The following PLEKHO2 variants were observed in gnomAD, a reference collection of about 807,000 sequenced individuals.
PLEKHO2 encodes pleckstrin homology domain containing O2.
Under a neutral mutation model 32.7 loss-of-function variants are expected in PLEKHO2, and 20 were observed. The ratio of observed to expected loss-of-function variants is 0.61; its 90% CI spans 0.43 to 0.89. The LOEUF (loss-of-function observed/expected upper bound fraction) is 0.89, where lower values mean the gene tolerates loss of function less well. Ranked by LOEUF, PLEKHO2 falls within the 40% of genes least tolerant of loss-of-function variation. PLEKHO2 has a pLI of 0.00. For missense variants in PLEKHO2, 568 were observed against 621.2 expected (o/e 0.91, Z 0.91); for synonymous variants, 247 against 246.3 (o/e 1.00, Z -0.03).
intron 2 of PLEKHO2, among the ~76,000 whole-genome samples, chr15:64,849,647 T>A (rs1047348736): frequency 6.7e-6 from 1 of 149,588 alleles, no homozygotes; most frequent in African/African-American, 2.5e-5. Flanking sequence ...TTCACCCTGT[T>A]GGCCAGGCTG....
intron 2 of PLEKHO2, among the ~76,000 whole-genome samples, chr15:64,853,285 T>TC (rs2084582890): frequency 6.7e-6 from 1 of 148,372 alleles, no homozygotes; most frequent in South Asian, 2.1e-4. Flanking sequence ...TTTTCTTTTT[T>TC]TTTTTTTTTG....
chr15:64,862,814 A>T (rs1232897237), intron 5 of PLEKHO2, among the ~76,000 whole-genome samples: 1 of 151,860 alleles, frequency 6.6e-6, no homozygotes, highest in Non-Finnish European at 1.5e-5. Flanking sequence ...TTTAGGGTAC[A>T]TGTGCACAAT....
At chr15:64,848,877 G>A (rs953145441) in intron 2 of PLEKHO2, 135 bp downstream of exon 2, 14 of 1,020,620 alleles carry the variant, frequency 1.4e-5, no homozygotes, top group Non-Finnish European at 1.8e-5. Flanking sequence ...AACCTTGAGC[G>A]AGTACCTAAT....
intron 2 of PLEKHO2, among the ~76,000 whole-genome samples, chr15:64,851,550 TG>T (rs1355621510): frequency 6.6e-6 from 1 of 152,124 alleles, no homozygotes; most frequent in African/African-American, 2.4e-5. Context: ...AATTGAGAAA[TG>T]CTTATTAGCT....
At chr15:64,844,548 C>T (rs896935269) in intron 1 of PLEKHO2, among the ~76,000 whole-genome samples, 2 of 152,170 alleles carry the variant, frequency 1.3e-5, no homozygotes, top group Non-Finnish European at 2.9e-5. Context: ...TCATGCCTTT[C>T]CCTGGCTTCT....
At position 64,865,568 on chromosome 15, in the gene PLEKHO2, C is replaced by T; in HGVS notation, c.1153C>T (p.His385Tyr). The T allele has an allele frequency of 6.2e-7, 1 of 1,614,208 alleles. No homozygotes were observed. Among genetic ancestry groups the T allele is most frequent in the East Asian group, 2.2e-5 (1 of 44,892 alleles). The change falls in exon 6 of 6, where the codon CAT (histidine) becomes TAT (tyrosine). Residue 385 changes from histidine to tyrosine, a missense_variant. Transcript: ENST00000323544. ...CCCCTGGGACCTGCCACCTCAGTTC[C>T]ATCCCCGCTGCTCCTCCCTTGGGGA... ...LPPWDLPPQF[H>Y]PRCSSLGDLL...
chr15:64,866,431 TGGG>T lies in PLEKHO2; in HGVS notation c.*547_*549del. Reference sequence around the variant, plus strand: ...CCAGGCTCTAGGTTCATCCCTCAGTTGGGGGGAACGTAGGACCCAGCTGGAGCC... The same window carrying T: ...CCAGGCTCTAGGTTCATCCCTCAGTTGGGAACGTAGGACCCAGCTGGAGCC... On this transcript the variant is annotated 3_prime_UTR_variant, in exon 6 of 6. Coordinates refer to ENST00000323544, the MANE Select transcript of PLEKHO2 (RefSeq NM_025201.5). 2.2e-6 allele frequency: 1 copy of T among 455,746 alleles called. No individual in the cohort carries two copies. 28.2% of individuals were successfully genotyped at this position (455,746 alleles called of 1,614,324 possible).
chr15:64,842,871 A>G (rs566421341), intron 1 of PLEKHO2, among the ~76,000 whole-genome samples: 243 of 152,364 alleles, frequency 1.6e-3, no homozygotes, highest in African/African-American at 5.5e-3. Flanking sequence ...GCACGCAGCA[A>G]GCACTTAATA....
At chr15:64,860,087 A>G (rs112846905) in intron 4 of PLEKHO2, 89 bp downstream of exon 4, 1 of 1,129,754 alleles carries the variant, frequency 8.9e-7, no homozygotes, top group Non-Finnish European at 1.3e-6. Context: ...TCCTTACCCC[A>G]GACTACCCCT....
intron 2 of PLEKHO2, among the ~76,000 whole-genome samples, chr15:64,849,127 G>C (rs2084546553): frequency 6.6e-6 from 1 of 151,512 alleles, no homozygotes; most frequent in South Asian, 2.1e-4. Context: ...CTATAGGCAT[G>C]CATGCCACCA....
chr15:64,842,312 A>G (rs1008630895), intron 1 of PLEKHO2, among the ~76,000 whole-genome samples: 6 of 152,008 alleles, frequency 3.9e-5, no homozygotes, highest in Non-Finnish European at 8.8e-5. Context: ...AGCGAGATTG[A>G]TGACTTGCTG....
intron 5 of PLEKHO2, 62 bp downstream of exon 5, chr15:64,861,637 G>C (rs138809881): frequency 2.9e-6 from 4 of 1,384,516 alleles, no homozygotes; most frequent in Non-Finnish European, 3.9e-6. Context: ...GCTCCTCTGG[G>C]CGGCAGCCAG....
At position 64,866,641 on chromosome 15, in the gene PLEKHO2, C is replaced by T. The variant is rs2084690568; in HGVS notation, c.*753C>T. On this transcript the variant is annotated 3_prime_UTR_variant, in exon 6 of 6. Coordinates refer to ENST00000323544, the MANE Select transcript of PLEKHO2 (RefSeq NM_025201.5). ...AGAGTGGAAGAGGAATTTAAGGGGT[C>T]CCCTAGTCTAGTCTCTGCCCCTGGA... 1 of 316,260 alleles carries T rather than the reference C, an allele frequency of 3.2e-6. No homozygotes were observed. Among genetic ancestry groups the T allele is most frequent in the Admixed American group, 4.1e-5 (1 of 24,670 alleles). The allele number at this position is 316,260 out of a possible 1,614,324, so 19.6% of individuals were successfully genotyped here.
intron 3 of PLEKHO2, among the ~76,000 whole-genome samples, chr15:64,858,100 C>A (rs1471705781): frequency 1.3e-5 from 2 of 152,234 alleles, no homozygotes; most frequent in African/African-American, 4.8e-5. Flanking sequence ...ACCCCAGATG[C>A]AGTGTGGTCT....
At chr15:64,861,686 G>A in intron 5 of PLEKHO2, 111 bp downstream of exon 5, 1 of 825,520 alleles carries the variant, frequency 1.2e-6, no homozygotes. Context: ...CCTGGAGCTG[G>A]GGCTTCCTGA....
rs761325248 is a variant in PLEKHO2, at chr15:64,865,413, C to A, written c.998C>A (p.Pro333Gln). ...ATGGGTGAGATGCAGGCTTCTGGGC[C>A]ACCTGCTCCAGGCACAGTGCAGGTC... ...ASMGEMQASG[P>Q]PAPGTVQVSV... The change falls in exon 6 of 6, where the codon CCA becomes CAA. Residue 333 changes from proline to glutamine, a missense_variant. Transcript: ENST00000323544. The A allele has an allele frequency of 6.2e-7, 1 of 1,613,916 alleles. No individual in the cohort carries two copies. Among genetic ancestry groups the A allele is most frequent in the East Asian group, 2.2e-5 (1 of 44,860 alleles).
Sources: gnomAD v4.1 joint callset for allele counts (sites outside exome capture counted in the v4.1 genomes callset) on GRCh38, gnomAD v4.1.1 for gene constraint, MANE v1.5 for transcripts, NCBI Gene and HGNC (gene_info 2026-07-23, HGNC 2026-07-21) for gene names.